Variants in PCNT observed in about 807,000 individuals in gnomAD.
PCNT encodes the protein kendrin.
PCNT carries 319 observed loss-of-function variants against 380.4 expected under a neutral mutation model. The observed-to-expected ratio is 0.84, with a 90% confidence interval of 0.77 to 0.92. The LOEUF is 0.92. Ranked by LOEUF, PCNT falls within the 40% of genes least tolerant of loss-of-function variation. PCNT has a pLI of 0.00. For missense variants in PCNT, 4,400 were observed against 4,255.3 expected, an observed-to-expected ratio of 1.03 and a Z score of -0.95; for synonymous variants, 1,845 against 1,735.2, an observed-to-expected ratio of 1.06 and a Z score of -1.57.
intron 35 of PCNT, among the ~76,000 whole-genome samples, chr21:46,429,113 C>A (rs1569295818): frequency 6.6e-6 from 1 of 152,202 alleles, no homozygotes; most frequent in South Asian, 2.1e-4. Context: ...GGGCAAGTGC[C>A]CTCTGTTCCT....
At chr21:46,402,631 G>T in intron 27 of PCNT, 148 bp downstream of exon 27, 1 of 782,596 alleles carries the variant, frequency 1.3e-6, no homozygotes. Flanking sequence ...GAGAGCGCCC[G>T]ATTCTGCCTG....
chr21:46,370,456 A>G (rs1569212112), intron 15 of PCNT, among the ~76,000 whole-genome samples: 2 of 141,844 alleles, frequency 1.4e-5, no homozygotes, highest in African/African-American at 2.6e-5. Flanking sequence ...GGGGATAGTG[A>G]GGGGTGCCTG....
At chr21:46,407,979 T>C (rs542474845) in intron 27 of PCNT, among the ~76,000 whole-genome samples, 55 of 152,360 alleles carry the variant, frequency 3.6e-4, no homozygotes, top group African/African-American at 1.3e-3. Flanking sequence ...TAGATACTTA[T>C]TTTTCAGTAT....
chr21:46,390,745 G>A lies in PCNT; in HGVS notation c.3916G>A (p.Val1306Ile). 1 of 1,613,712 alleles carries A rather than the reference G, an allele frequency of 6.2e-7. No individual in the cohort carries two copies. The highest frequency in any genetic ancestry group is 1.7e-5 in the Admixed American group (1 of 60,026). ...TAAGAATGAGGAGACAGCACAGGTT[G>A]TCAGGAAGCACCAGGAGCTGCTGGA... ...SFKNEETAQV[V>I]RKHQELLECL... The change falls in exon 20 of 47, where the codon GTC (valine) becomes ATC (isoleucine). Residue 1306 changes from valine (V) to isoleucine (I), a missense_variant. Val to Ile is a conservative substitution (Grantham distance 29, BLOSUM62 3). Coordinates refer to ENST00000359568, the MANE Select transcript of PCNT (RefSeq NM_006031.6).
At chr21:46,385,566 C>G (rs1303210157) in intron 16 of PCNT, among the ~76,000 whole-genome samples, 8 of 152,190 alleles carry the variant, frequency 5.3e-5, no homozygotes, top group Non-Finnish European at 1.2e-4. Context: ...CACCTTTAAT[C>G]AGCACCTCGT....
rs2087478084 is a variant in PCNT at position 46,425,956 on chromosome 21, T to C, written c.7305T>C (p.His2435=). 1.2e-6 allele frequency: 2 copies of C among 1,613,654 alleles called. No individual in the cohort carries two copies. The highest frequency in any genetic ancestry group is 1.3e-5 in the African/African-American group (1 of 74,794). The stretch of plus-strand genomic sequence containing the variant: ...ACGAGATACAGGACATCTCGCTCCA[T>C]GGGGGAAAGACGCAGGTTTATTTTG... ...KEDEIQDISL[H]GGKTQEVPTA... Residue 2435 remains histidine, a synonymous_variant, in exon 33 of 47, where the codon CAT becomes CAC. Transcript: ENST00000359568. This position sits in a 1 kb window ranked among gnomAD's most constrained non-coding sequence, Gnocchi z 4.2.
At chr21:46,354,786 G>T (rs2084412464) in intron 11 of PCNT, among the ~76,000 whole-genome samples, 1 of 152,216 alleles carries the variant, frequency 6.6e-6, no homozygotes, top group Admixed American at 6.5e-5. Flanking sequence ...TCCAGGCAGG[G>T]TGGCAGCGGG....
chr21:46,370,842 T>C (rs539305607), intron 15 of PCNT, among the ~76,000 whole-genome samples: 13 of 152,204 alleles, frequency 8.5e-5, no homozygotes, highest in Non-Finnish European at 1.8e-4. Flanking sequence ...AAGACCGTCC[T>C]GGCTAACACG....
chr21:46,374,991 C>G (rs2085289978), intron 15 of PCNT, among the ~76,000 whole-genome samples: 1 of 152,174 alleles, frequency 6.6e-6, no homozygotes, highest in African/African-American at 2.4e-5. Context: ...ATCTTTGCAC[C>G]TGTTGGAACA....
At chr21:46,325,164 C>T in intron 1 of PCNT, 1 of 985,756 alleles carries the variant, frequency 1.0e-6, no homozygotes, top group Non-Finnish European at 1.2e-6. Flanking sequence ...GAAAGGGAGT[C>T]CCGAAAGCGC....
intron 27 of PCNT, among the ~76,000 whole-genome samples, chr21:46,403,757 G>A (rs13051813): frequency 4.4e-5 from 6 of 135,972 alleles, no homozygotes; most frequent in Non-Finnish European, 6.2e-5. Flanking sequence ...CCCACGCGGC[G>A]CGTGCTCGGT....
At chr21:46,341,187 CATCCACTTTGAATGGAA>C (rs1318994805) in intron 3 of PCNT, among the ~76,000 whole-genome samples, 8 of 152,084 alleles carry the variant, frequency 5.3e-5, no homozygotes, top group African/African-American at 1.9e-4. Flanking sequence ...CTGGCCAGCC[CATCCACTTTGAATGGAA>C]TGTGTTGCTC....
chr21:46,371,285 A>G (rs939033808), intron 15 of PCNT, among the ~76,000 whole-genome samples: 2 of 147,398 alleles, frequency 1.4e-5, no homozygotes, highest in African/African-American at 5.1e-5. Context: ...ATCCTGGCTC[A>G]CTGCAACCTC....
chr21:46,388,871 G>C lies in PCNT; in HGVS notation c.3594G>C (p.Leu1198=). ...GCCTGGATGACGCGGGCGCAGGCCT[G>C]GCCCTGTCGACAGGTGAGTGTGCCG... ...GLCLDDAGAG[L]ALSTAPALEE... is the part of the protein sequence containing the mutation. The change falls in exon 18 of 47, where the codon CTG becomes CTC. Residue 1198 remains leucine, a synonymous_variant. Transcript: ENST00000359568. This position sits in a 1 kb window ranked among gnomAD's most constrained non-coding sequence, Gnocchi z 4.2. 1.2e-6 allele frequency: 2 copies of C among 1,604,370 alleles called. No homozygotes were observed. The highest frequency in any genetic ancestry group is 1.7e-6 in the Non-Finnish European group (2 of 1,178,974).
intron 39 of PCNT, 38 bp from the exon 40 acceptor site, chr21:46,436,941 G>A (rs752072232): frequency 7.1e-7 from 1 of 1,409,282 alleles, no homozygotes; most frequent in Admixed American, 1.7e-5. Flanking sequence ...GTCACTTGGG[G>A]CGCGTATGCA....
chr21:46,366,693 A>G lies in PCNT; in HGVS notation c.2719A>G (p.Arg907Gly). Residue 907 changes from arginine to glycine, a missense_variant, in exon 15 of 47, where the codon AGA (arginine) becomes GGA (glycine). Transcript: ENST00000359568. ...HARELQLLQE[R>G]HQQQLLSVTA... Reference sequence around the variant, plus strand: ...CCGTGAGCTGCAGCTCCTCCAGGAGAGACACCAGCAGCAGCTCCTGTCAGT... The same window carrying G: ...CCGTGAGCTGCAGCTCCTCCAGGAGGGACACCAGCAGCAGCTCCTGTCAGT... The G allele has an allele frequency of 6.2e-7, 1 of 1,613,680 alleles. No individual in the cohort carries two copies. The highest frequency in any genetic ancestry group is 8.5e-7 in the Non-Finnish European group (1 of 1,179,996).
chr21:46,347,130 T>A, intron 5 of PCNT, 132 bp downstream of exon 5: 1 of 1,168,926 alleles, frequency 8.6e-7, no homozygotes, highest in African/African-American at 1.5e-5. Context: ...GCACCTTGCC[T>A]GGTGTCTGGC....
intron 3 of PCNT, among the ~76,000 whole-genome samples, chr21:46,336,043 C>G (rs2083725110): frequency 6.6e-6 from 1 of 152,056 alleles, no homozygotes; most frequent in African/African-American, 2.4e-5. Flanking sequence ...GTGGCGCGAT[C>G]TCGGCTCACT....
chr21:46,373,743 T>TA (rs1569216679), intron 15 of PCNT, among the ~76,000 whole-genome samples: 1 of 131,858 alleles, frequency 7.6e-6, no homozygotes, highest in Non-Finnish European at 1.6e-5. Flanking sequence ...TTTTTTTTTT[T>TA]TTTTTTGGGC....
Sources: gnomAD v4.1 joint callset for allele counts (sites outside exome capture counted in the v4.1 genomes callset) on GRCh38, gnomAD v4.1.1 for gene constraint, Gnocchi (gnomAD v3.1) non-coding constraint, MANE v1.5 for transcripts, NCBI Gene and HGNC (gene_info 2026-07-23, HGNC 2026-07-21) for gene names.